Variants in XRRA1 observed in about 807,000 individuals in gnomAD.
XRRA1 encodes the protein X-ray radiation resistance-associated protein 1.
XRRA1 carries 69 observed loss-of-function variants against 80.2 expected under a neutral mutation model. The observed-to-expected ratio is 0.86, with a 90% CI of 0.71 to 1.05. The LOEUF (loss-of-function observed/expected upper bound fraction) is 1.05, where lower values mean the gene tolerates loss of function less well. XRRA1 is among the 50% of genes least tolerant of loss of function. The pLI is 0.00. For synonymous variants in XRRA1, 348 were observed against 389.9 expected, an observed-to-expected ratio of 0.89 and a Z score of 1.27; for missense variants, 967 against 976.4, an observed-to-expected ratio of 0.99 and a Z score of 0.13.
intron 10 of XRRA1, among the ~76,000 whole-genome samples, chr11:74,899,105 G>A (rs982468142): frequency 2.6e-5 from 4 of 151,974 alleles, no homozygotes; most frequent in Non-Finnish European, 5.9e-5. Context: ...AATGATAAGA[G>A]GAATTTTGGA....
In XRRA1 at chr11:74,906,388, T is replaced by C. The variant is rs2054603800; in HGVS notation, c.854A>G (p.Tyr285Cys). The change falls in exon 10 of 19, where the codon TAT becomes TGT. Residue 285 changes from tyrosine (Y) to cysteine (C), a missense_variant. Coordinates refer to ENST00000684022, the MANE Select transcript of XRRA1 (RefSeq NM_001378157.1). ...TCCATTCCAGTCTACTGACTCGTCA[T>C]AGAGCTGAACTTGCTGTAGGTATGG... Reference protein sequence around the residue: ...RIPYLQQVQLYDESVDWNGGR... With the variant: ...RIPYLQQVQLCDESVDWNGGR... 5.0e-6 allele frequency: 8 copies of C among 1,613,916 alleles called. No homozygotes were observed. The highest frequency in any genetic ancestry group is 1.3e-5 in the African/African-American group (1 of 74,942).
intron 10 of XRRA1, among the ~76,000 whole-genome samples, chr11:74,880,369 T>G (rs1377674748): frequency 1.3e-5 from 2 of 152,268 alleles, no homozygotes; most frequent in East Asian, 3.9e-4. Flanking sequence ...TTTATTAGTC[T>G]TGCTAGCGGT....
At chr11:74,881,248 G>A (rs2047492647) in intron 10 of XRRA1, among the ~76,000 whole-genome samples, 1 of 151,612 alleles carries the variant, frequency 6.6e-6, no homozygotes, top group South Asian at 2.1e-4. Flanking sequence ...ATCTTTGTTG[G>A]TTTAAAGTCT....
intron 12 of XRRA1, among the ~76,000 whole-genome samples, chr11:74,852,977 A>T (rs2040250211): frequency 6.6e-6 from 1 of 152,226 alleles, no homozygotes; most frequent in Non-Finnish European, 1.5e-5. Context: ...CCGCAGCCTT[A>T]CTGGATAGCA....
chr11:74,926,139 T>C (rs1181071239), intron 7 of XRRA1, among the ~76,000 whole-genome samples: 2 of 152,208 alleles, frequency 1.3e-5, no homozygotes, highest in African/African-American at 4.8e-5. Context: ...TCATAGAAAA[T>C]TACTGTTATC....
intron 14 of XRRA1, among the ~76,000 whole-genome samples, chr11:74,850,026 T>C (rs900120242): frequency 2.0e-5 from 3 of 152,220 alleles, no homozygotes; most frequent in Non-Finnish European, 4.4e-5. Context: ...TAGAGGGTGT[T>C]TGCCTACATT....
chr11:74,928,517 T>G (rs646287), intron 6 of XRRA1, among the ~76,000 whole-genome samples: 61,752 of 152,032 alleles, frequency 0.41, 13,373 homozygotes, highest in Middle Eastern at 0.5. Context: ...CTCACTGTCT[T>G]GTACCTGAGC....
intron 10 of XRRA1, among the ~76,000 whole-genome samples, chr11:74,867,915 A>ATTT (rs1230282565): frequency 2.5e-5 from 1 of 39,506 alleles, no homozygotes; most frequent in African/African-American, 8.3e-5. Flanking sequence ...CCTATAGTCA[A>ATTT]TCTTTTTTTT....
At chr11:74,849,738 G>A (rs1459734108) in intron 14 of XRRA1, among the ~76,000 whole-genome samples, 1 of 152,188 alleles carries the variant, frequency 6.6e-6, no homozygotes, top group Non-Finnish European at 1.5e-5. Flanking sequence ...GTCGTGGGCT[G>A]GATTACTGCT....
intron 10 of XRRA1, among the ~76,000 whole-genome samples, chr11:74,891,310 T>A (rs1258822855): frequency 6.6e-6 from 1 of 152,226 alleles, no homozygotes; most frequent in African/African-American, 2.4e-5. Context: ...AACCATATGA[T>A]TATCTCAATA....
chr11:74,927,172 C>G (rs1942438472), intron 7 of XRRA1, among the ~76,000 whole-genome samples: 1 of 152,122 alleles, frequency 6.6e-6, no homozygotes, highest in African/African-American at 2.4e-5. Context: ...TCTTTGGTAT[C>G]AACTATTTGC....
At chr11:74,942,677 C>G (rs1381495512) in intron 2 of XRRA1, among the ~76,000 whole-genome samples, 1 of 152,182 alleles carries the variant, frequency 6.6e-6, no homozygotes, top group East Asian at 1.9e-4. Flanking sequence ...AGCTGTGTGG[C>G]CTTGAGCAAG....
chr11:74,908,790 C>T (rs972674728), intron 8 of XRRA1, among the ~76,000 whole-genome samples: 1 of 152,092 alleles, frequency 6.6e-6, no homozygotes, highest in Non-Finnish European at 1.5e-5. Context: ...AGGGAATTGT[C>T]ATGCTTTTAA....
chr11:74,917,831 C>T (rs1939223265), intron 8 of XRRA1, among the ~76,000 whole-genome samples: 1 of 152,186 alleles, frequency 6.6e-6, no homozygotes, highest in Admixed American at 6.5e-5. Context: ...CATGGTTCCA[C>T]TGAACTGGAA....
chr11:74,920,519 T>C (rs992179577), intron 8 of XRRA1, among the ~76,000 whole-genome samples: 12 of 152,172 alleles, frequency 7.9e-5, no homozygotes, highest in African/African-American at 2.9e-4. Flanking sequence ...AGAAGGCTCC[T>C]GGTAGGGAAA....
chr11:74,890,651 G>A (rs1430984688), intron 10 of XRRA1, among the ~76,000 whole-genome samples: 22 of 151,812 alleles, frequency 1.4e-4, no homozygotes, highest in South Asian at 1.0e-3. Context: ...TTGATAGACC[G>A]CTAGCAAGAC....
At chr11:74,862,122 T>C (rs1460437329) in intron 11 of XRRA1, among the ~76,000 whole-genome samples, 1 of 152,182 alleles carries the variant, frequency 6.6e-6, no homozygotes, top group Admixed American at 6.5e-5. Flanking sequence ...AATGAAACCA[T>C]ACTGCAATGT....
chr11:74,904,820 C>A (rs904964521), intron 10 of XRRA1, among the ~76,000 whole-genome samples: 2 of 143,650 alleles, frequency 1.4e-5, no homozygotes, highest in Non-Finnish European at 3.0e-5. Flanking sequence ...TATTTTACAA[C>A]GATTAAAATA....
At chr11:74,867,936 T>TTTTTTC (rs1555033307) in intron 10 of XRRA1, among the ~76,000 whole-genome samples, 4 of 150,336 alleles carry the variant, frequency 2.7e-5, no homozygotes, top group South Asian at 2.1e-4. Context: ...TTTTTTTTTT[T>TTTTTTC]CTGAGACAGA....
Sources: gnomAD v4.1 joint callset for allele counts (sites outside exome capture counted in the v4.1 genomes callset) on GRCh38, gnomAD v4.1.1 for gene constraint, MANE v1.5 for transcripts, NCBI Gene and HGNC (gene_info 2026-07-23, HGNC 2026-07-21) for gene names.